CALHM5: variants seen among roughly 807,000 people sequenced by gnomAD.
CALHM5 encodes calcium homeostasis modulator family member 5.
In CALHM5, 17 loss-of-function variants were observed where a neutral mutation model predicts 20.9. The ratio of observed to expected loss-of-function variants is 0.82; its 90% CI spans 0.56 to 1.22. The LOEUF is 1.22. CALHM5 is among the 50% of genes most tolerant of loss of function. The probability of loss-of-function intolerance (pLI) is 0.00; values close to 1 mark genes in which losing one functional copy is unlikely to be tolerated. For missense variants in CALHM5, 360 were observed against 364.6 expected, an observed-to-expected ratio of 0.99 and a Z score of 0.10; for synonymous variants, 148 against 140.0, an observed-to-expected ratio of 1.06 and a Z score of -0.40.
At chr6:116,513,538 T>G (rs995564395) in intron 1 of CALHM5, among the ~76,000 whole-genome samples, 1 of 152,320 alleles carries the variant, frequency 6.6e-6, no homozygotes, top group African/African-American at 2.4e-5. Context: ...AAGGAAATCT[T>G]GCACATCATG....
rs1439628364 is a variant in CALHM5, at chr6:116,521,369, C to T, written c.*5380C>T. ...AGTCCCAGTCTGAGGGCCTGAGAAC[C>T]AGGGGAGTTGATGGTACAAATCCCA... is the stretch of plus-strand genomic sequence containing the variant. On this transcript the variant is annotated 3_prime_UTR_variant, in exon 2 of 2. Transcript: ENST00000368599. The T allele has an allele frequency of 1.3e-5, 2 of 151,996 alleles. No homozygotes were observed. Among genetic ancestry groups the T allele is most frequent in the Non-Finnish European group, 2.9e-5 (2 of 68,004 alleles). The allele number at this position is 151,996 out of a possible 1,614,324, so 9.4% of individuals were successfully genotyped here.
Position 116,511,728 on chromosome 6 carries a change from T to C in CALHM5, c.32T>C (p.Phe11Ser), listed in dbSNP as rs1450606848. 2 of 1,613,730 alleles carry C rather than the reference T, an allele frequency of 1.2e-6. No homozygotes were observed. The highest frequency in any genetic ancestry group is 2.7e-5 in the African/African-American group (2 of 74,852). ...GCTTTTCAGGGCATTTTAAAATTCTTCCTTAATCAGAAAACTGTTATTGGC... is the reference window on the plus strand; with the variant it reads ...GCTTTTCAGGGCATTTTAAAATTCTCCCTTAATCAGAAAACTGTTATTGGC... MDAFQGILKF[F>S]LNQKTVIGYS... The change falls in exon 1 of 2, where the codon TTC becomes TCC. Residue 11 changes from phenylalanine (F) to serine (S), a missense_variant. Phe to Ser is a radical substitution (Grantham distance 155). Coordinates refer to ENST00000368599, the MANE Select transcript of CALHM5 (RefSeq NM_153711.5).
At position 116,511,813 on chromosome 6, in the gene CALHM5, T is replaced by C. The variant is rs1422260100; in HGVS notation, c.117T>C (p.Phe39=). ...AGCGTCTCTTTTCTGTTGTGGCTTT[T>C]AAGTGCCCCTGCAGCACTGAGAATA... is the stretch of plus-strand genomic sequence containing the variant. ...GSERLFSVVA[F]KCPCSTENMT... is the part of the protein sequence containing the mutation. Residue 39 remains phenylalanine, a synonymous_variant, in exon 1 of 2, where the codon TTT becomes TTC. Coordinates refer to ENST00000368599, the MANE Select transcript of CALHM5 (RefSeq NM_153711.5). 1.9e-6 allele frequency: 3 copies of C among 1,614,088 alleles called. No homozygotes were observed. The East Asian group carries it at 6.7e-5, about 36-fold the overall frequency.
In CALHM5 at chr6:116,519,036, T is replaced by C. The variant is rs1453541802; in HGVS notation, c.*3047T>C. Reference sequence around the variant, plus strand: ...TAGTCCTGGAGGCAGTGGAGTAAGATAGGGAGAGCAAATTGGTGTCTGCTC... The same window carrying C: ...TAGTCCTGGAGGCAGTGGAGTAAGACAGGGAGAGCAAATTGGTGTCTGCTC... On this transcript the variant is annotated 3_prime_UTR_variant, in exon 2 of 2. Transcript: ENST00000368599. 6.6e-6 allele frequency: 1 copy of C among 152,172 alleles called. No individual in the cohort carries two copies. The highest frequency in any genetic ancestry group is 1.5e-5 in the Non-Finnish European group (1 of 68,040). The allele number at this position is 152,172 out of a possible 1,614,324, so 9.4% of individuals were successfully genotyped here. A position where few individuals can be genotyped will look rare whatever the true frequency, so the allele number is the denominator to read the frequency against.
At position 116,515,641 on chromosome 6, in the gene CALHM5, T is replaced by C; in HGVS notation, c.582T>C (p.Ser194=). ...TGATTTGTTCAGCGTCTTTCTTCTC[T>C]CTGCTCACCACATGTTATGCTCGCT... ...WCLICSASFF[S]LLTTCYARCR... Residue 194 remains serine (S), a synonymous_variant, in exon 2 of 2, where the codon TCT becomes TCC. Coordinates refer to ENST00000368599, the MANE Select transcript of CALHM5 (RefSeq NM_153711.5). 1.2e-6 allele frequency: 2 copies of C among 1,613,724 alleles called. No homozygotes were observed. The highest frequency in any genetic ancestry group is 1.7e-6 in the Non-Finnish European group (2 of 1,179,824).
rs776276366 is a variant in CALHM5 at position 116,516,096 on chromosome 6, G to A, written c.*107G>A. On this transcript the variant is annotated 3_prime_UTR_variant, in exon 2 of 2. Coordinates refer to ENST00000368599, the MANE Select transcript of CALHM5 (RefSeq NM_153711.5). The stretch of plus-strand genomic sequence containing the variant: ...GTCTCTGTATTTTCTTACATTTGGA[G>A]TATGTTTACAAGACAATAACACAAA... 3.8e-5 allele frequency: 53 copies of A among 1,410,808 alleles called. No homozygotes were observed. Among genetic ancestry groups the A allele is most frequent in the Non-Finnish European group, 4.8e-5 (51 of 1,060,862 alleles). The allele number at this position is 1,410,808 out of a possible 1,614,324, so 87.4% of individuals were successfully genotyped here.
Position 116,511,789 on chromosome 6 carries a change from G to C in CALHM5, c.93G>C (p.Glu31Asp). 1 of 1,614,112 alleles carries C rather than the reference G, an allele frequency of 6.2e-7. No homozygotes were observed. The highest frequency in any genetic ancestry group is 1.1e-5 in the South Asian group (1 of 91,078). The change falls in exon 1 of 2, where the codon GAG becomes GAC. Residue 31 changes from glutamate (E) to aspartate (D), a missense_variant. Transcript: ENST00000368599. ...TGGCTCTGCTGACCGTGGGAAGTGA[G>C]CGTCTCTTTTCTGTTGTGGCTTTTA... Reference protein sequence around the residue: ...SFMALLTVGSERLFSVVAFKC... With the variant: ...SFMALLTVGSDRLFSVVAFKC...
At chr6:116,513,060 T>TA (rs1287556928) in intron 1 of CALHM5, among the ~76,000 whole-genome samples, 1 of 152,166 alleles carries the variant, frequency 6.6e-6, no homozygotes, top group Non-Finnish European at 1.5e-5. Flanking sequence ...TTCCCATTTA[T>TA]AGGTAGTAAG....
In CALHM5 at chr6:116,511,719, T is replaced by A. The variant is rs1772123304; in HGVS notation, c.23T>A (p.Leu8Ter). Residue 8 changes from leucine to a stop codon, truncating the protein, a stop_gained, in exon 1 of 2, where the codon TTA becomes TAA. Transcript: ENST00000368599. LOFTEE classifies it high-confidence loss of function. MDAFQGI[L>*]KFFLNQKTVI... is the part of the protein sequence containing the mutation. ...AACATGGATGCTTTTCAGGGCATTT[T>A]AAAATTCTTCCTTAATCAGAAAACT... 4 of 1,613,738 alleles carry A rather than the reference T, an allele frequency of 2.5e-6. No individual in the cohort carries two copies. The South Asian group carries it at 4.4e-5, about 18-fold the overall frequency.
In CALHM5 at chr6:116,512,246, G is replaced by C; in HGVS notation, c.540+10G>C. Reference sequence around the variant, plus strand: ...TCAGGCCCAGTCTCAGGTAAGAAAAGACAAACTCGCCTTTTTCTCTCAGCA... The same window carrying C: ...TCAGGCCCAGTCTCAGGTAAGAAAACACAAACTCGCCTTTTTCTCTCAGCA... On this transcript the variant is annotated intron_variant, in intron 1 of 1. Transcript: ENST00000368599. 6.3e-7 allele frequency: 1 copy of C among 1,581,962 alleles called. No individual in the cohort carries two copies. The highest frequency in any genetic ancestry group is 1.7e-5 in the Admixed American group (1 of 58,518).
rs1266675668 is a variant in CALHM5, at chr6:116,523,598, C to A, written c.*7609C>A. The A allele has an allele frequency of 1.3e-5, 2 of 152,128 alleles. No individual in the cohort carries two copies. Among genetic ancestry groups the A allele is most frequent in the Non-Finnish European group, 2.9e-5 (2 of 68,032 alleles). The allele number at this position is 152,128 out of a possible 1,614,324, so 9.4% of individuals were successfully genotyped here. A position where few individuals can be genotyped will look rare whatever the true frequency, so the allele number is the denominator to read the frequency against. On this transcript the variant is annotated 3_prime_UTR_variant, in exon 2 of 2. Transcript: ENST00000368599. ...TAGGTGAAAGCAGAATGGGGTCAGA[C>A]CTATGCAATTTGAAGCCACTCATCT...
Position 116,511,861 on chromosome 6 carries a change from C to G in CALHM5, c.165C>G (p.Leu55=), listed in dbSNP as rs1236925353. ...ATATGACCTATGGGCTGGTTTTCCTCTTTGCTCCTGCCTGGGTGTTACTGA... is the reference window on the plus strand; with the variant it reads ...ATATGACCTATGGGCTGGTTTTCCTGTTTGCTCCTGCCTGGGTGTTACTGA... ...TENMTYGLVF[L]FAPAWVLLIL... is the part of the protein sequence containing the mutation. Residue 55 remains leucine, a synonymous_variant, in exon 1 of 2, where the codon CTC becomes CTG. Transcript: ENST00000368599. 1.2e-6 allele frequency: 2 copies of G among 1,614,078 alleles called. No individual in the cohort carries two copies. The highest frequency in any genetic ancestry group is 1.1e-5 in the South Asian group (1 of 91,076).
intron 1 of CALHM5, among the ~76,000 whole-genome samples, chr6:116,513,966 CACTT>C (rs1271650189): frequency 1.3e-5 from 2 of 152,152 alleles, no homozygotes; most frequent in African/African-American, 4.8e-5. Flanking sequence ...GTGGTAATAT[CACTT>C]ACTTTGGAGA....
In CALHM5 at chr6:116,516,660, A is replaced by AATATATATATAT. The variant is rs57050552; in HGVS notation, c.*709_*720dup. On this transcript the variant is annotated 3_prime_UTR_variant, in exon 2 of 2. Coordinates refer to ENST00000368599, the MANE Select transcript of CALHM5 (RefSeq NM_153711.5). ...TCCTACATTCAAAATAGTAGTAACA[A>AATATATATATAT]ATATATATATATATATATATATATA... is the stretch of plus-strand genomic sequence containing the variant. 1 of 104,390 alleles carries AATATATATATAT rather than the reference A, an allele frequency of 9.6e-6. No individual in the cohort carries two copies. Among genetic ancestry groups the AATATATATATAT allele is most frequent in the Non-Finnish European group, 1.9e-5 (1 of 53,552 alleles). 6.5% of individuals were successfully genotyped at this position (104,390 alleles called of 1,614,324 possible).
intron 1 of CALHM5, among the ~76,000 whole-genome samples, chr6:116,513,405 T>C (rs1433383754): frequency 6.6e-6 from 1 of 152,216 alleles, no homozygotes; most frequent in Non-Finnish European, 1.5e-5. Flanking sequence ...GGGTATAACT[T>C]ACAACTCTTA....
chr6:116,520,977 C>G lies in CALHM5; in HGVS notation c.*4988C>G, dbSNP rs1320847628. The G allele has an allele frequency of 1.3e-5, 2 of 151,256 alleles. No individual in the cohort carries two copies. Among genetic ancestry groups the G allele is most frequent in the African/African-American group, 4.9e-5 (2 of 41,082 alleles). The allele number at this position is 151,256 out of a possible 1,614,324, so 9.4% of individuals were successfully genotyped here. ...CAATTTTGGAGTATCTTTGATGTAC[C>G]TGGGTCTCTCATTTTAATAAACATA... On this transcript the variant is annotated 3_prime_UTR_variant, in exon 2 of 2. Transcript: ENST00000368599.
In CALHM5 at chr6:116,523,744, T is replaced by C. The variant is rs1772389334; in HGVS notation, c.*7755T>C. On this transcript the variant is annotated 3_prime_UTR_variant, in exon 2 of 2. Coordinates refer to ENST00000368599, the MANE Select transcript of CALHM5 (RefSeq NM_153711.5). ...AAGAAGCTAAACCTAATCAAGTATT[T>C]AGACATTACTGCTAGTTTATAGGAA... 1 of 152,168 alleles carries C rather than the reference T, an allele frequency of 6.6e-6. No homozygotes were observed. The highest frequency in any genetic ancestry group is 1.5e-5 in the Non-Finnish European group (1 of 68,026). 9.4% of individuals were successfully genotyped at this position (152,168 alleles called of 1,614,324 possible).
Position 116,516,190 on chromosome 6 carries a change from G to A in CALHM5, c.*201G>A. On this transcript the variant is annotated 3_prime_UTR_variant, in exon 2 of 2. Transcript: ENST00000368599. ...CAAATTGATGCTGAGGGGTGACAAA[G>A]GTGCTCTTGCATTGGTGGAGAGGGG... 1 of 589,806 alleles carries A rather than the reference G, an allele frequency of 1.7e-6. No homozygotes were observed. Among genetic ancestry groups the A allele is most frequent in the Non-Finnish European group, 2.6e-6 (1 of 380,838 alleles). 36.5% of individuals were successfully genotyped at this position (589,806 alleles called of 1,614,324 possible). A position where few individuals can be genotyped will look rare whatever the true frequency, so the allele number is the denominator to read the frequency against.
rs1772219912 is a variant in CALHM5 at position 116,516,088 on chromosome 6, C to A, written c.*99C>A. On this transcript the variant is annotated 3_prime_UTR_variant, in exon 2 of 2. Coordinates refer to ENST00000368599, the MANE Select transcript of CALHM5 (RefSeq NM_153711.5). ...ACCTGTGTGTCTCTGTATTTTCTTA[C>A]ATTTGGAGTATGTTTACAAGACAAT... 5.6e-6 allele frequency: 8 copies of A among 1,428,246 alleles called. No homozygotes were observed. In the South Asian group the frequency reaches 7.6e-5, roughly 14 times the overall value. The allele number at this position is 1,428,246 out of a possible 1,614,324, so 88.5% of individuals were successfully genotyped here.
Sources: allele counts gnomAD v4.1 joint callset (sites outside exome capture counted in the v4.1 genomes callset), GRCh38; gene constraint gnomAD v4.1.1; transcripts MANE v1.5; gene names NCBI Gene and HGNC (gene_info 2026-07-23, HGNC 2026-07-21).